CAPN13: variants seen among roughly 807,000 people sequenced by gnomAD.
CAPN13 encodes calpain 13.
A neutral mutation model predicts 98.4 loss-of-function variants in CAPN13; 90 were observed. That is an observed-to-expected ratio of 0.92 (90% CI 0.77 to 1.09). The LOEUF (loss-of-function observed/expected upper bound fraction) is 1.09, where lower values mean the gene tolerates loss of function less well. Among genes scored for constraint, CAPN13 ranks in the 50% least tolerant of loss-of-function variants. The pLI, the probability that CAPN13 is intolerant of heterozygous loss-of-function variation, is 0.00. For synonymous variants in CAPN13, 330 were observed against 305.5 expected, an observed-to-expected ratio of 1.08 and a Z score of -0.84; for missense variants, 887 against 841.3, an observed-to-expected ratio of 1.05 and a Z score of -0.67.
chr2:30,780,225 A>C (rs975262429), intron 2 of CAPN13, among the ~76,000 whole-genome samples: 1 of 152,244 alleles, frequency 6.6e-6, no homozygotes, highest in African/African-American at 2.4e-5. Context: ...GAGAATAGAC[A>C]ATTCCAGTGT....
intron 1 of CAPN13, among the ~76,000 whole-genome samples, chr2:30,798,886 A>T (rs1338982780): frequency 6.6e-6 from 1 of 152,170 alleles, no homozygotes; most frequent in Non-Finnish European, 1.5e-5. Context: ...GCTGACAAGG[A>T]ACAAGGAAGG....
At chr2:30,743,871 G>A (rs939368) in intron 12 of CAPN13, 428,040 of 500,196 alleles carry the variant, frequency 0.86, 183,861 homozygotes, top group African/African-American at 0.92. Flanking sequence ...CTTATATAGA[G>A]AGAAAACTTC....
At chr2:30,747,993 A>G (rs1330373300) in intron 11 of CAPN13, among the ~76,000 whole-genome samples, 2 of 152,222 alleles carry the variant, frequency 1.3e-5, no homozygotes, top group Non-Finnish European at 2.9e-5. Context: ...GGTGGTTACA[A>G]TCTTGGTAGG....
intron 5 of CAPN13, 67 bp downstream of exon 5, chr2:30,770,246 T>C: frequency 1.3e-6 from 2 of 1,578,958 alleles, no homozygotes. Flanking sequence ...ACAGGGACTG[T>C]TTGCATTCCG....
rs1558309422 is a variant in CAPN13 at position 30,753,308 on chromosome 2, A to C, written c.942-110T>G. On this transcript the variant is annotated intron_variant, in intron 9 of 22. Coordinates refer to ENST00000295055, the MANE Select transcript of CAPN13 (RefSeq NM_144575.3). The stretch of plus-strand genomic sequence containing the variant: ...TGTCCTGCCCAGAGGCCAGTGTCTG[A>C]TCCTGGCTCATTCACCATCAAGCAC... 1.2e-5 allele frequency: 13 copies of C among 1,095,232 alleles called. No individual in the cohort carries two copies. In the East Asian group the frequency reaches 1.9e-4, roughly 16 times the overall value. 67.8% of individuals were successfully genotyped at this position (1,095,232 alleles called of 1,614,324 possible).
chr2:30,744,966 C>T (rs541022638), intron 12 of CAPN13, among the ~76,000 whole-genome samples: 1 of 152,326 alleles, frequency 6.6e-6, no homozygotes, highest in South Asian at 2.1e-4. Context: ...TGTCAGGGAC[C>T]AGAGTCAGAT....
rs1238092122 is a variant in CAPN13, at chr2:30,742,359, C to T, written c.1446G>A (p.Arg482=). 1 of 1,604,102 alleles carries T rather than the reference C, an allele frequency of 6.2e-7. No individual in the cohort carries two copies. Among genetic ancestry groups the T allele is most frequent in the South Asian group, 1.1e-5 (1 of 88,758 alleles). ...TGAGGTTGAAATGGCTGCTCAGGTGCCTAGAAAATCAGAGGACAGTGTGAC... is the reference window on the plus strand; with the variant it reads ...TGAGGTTGAAATGGCTGCTCAGGTGTCTAGAAAATCAGAGGACAGTGTGAC... The part of the protein sequence containing the change: ...RIFLKMPDSD[R]HLSSHFNLRM... The change falls in exon 14 of 23, where the codon AGG becomes AGA. Residue 482 remains arginine (R), a splice_region_variant and synonymous_variant. Transcript: ENST00000295055.
Position 30,742,040 on chromosome 2 carries a change from C to T in CAPN13, c.1480-76G>A, listed in dbSNP as rs17010121. 1.6e-3 allele frequency: 2,092 copies of T among 1,296,216 alleles called. 38 individuals carry two copies. In the African/African-American group the frequency reaches 0.027, roughly 17 times the overall value. The allele number at this position is 1,296,216 out of a possible 1,614,324, so 80.3% of individuals were successfully genotyped here. A position where few individuals can be genotyped will look rare whatever the true frequency, so the allele number is the denominator to read the frequency against. On this transcript the variant is annotated intron_variant, in intron 14 of 22. Transcript: ENST00000295055. ...CCCATCTGGTACAGCAAGGGTGCAA[C>T]AACCCCTGCCAAGATCTGAGAAAGA...
At chr2:30,806,416 ACAAC>A (rs1274708073) in intron 1 of CAPN13, 2 of 152,132 alleles carry the variant, frequency 1.3e-5, no homozygotes, top group African/African-American at 4.8e-5. Flanking sequence ...AACAACAACA[ACAAC>A]AACAACAAAA....
intron 10 of CAPN13, among the ~76,000 whole-genome samples, chr2:30,752,579 A>G (rs1047369284): frequency 6.6e-6 from 1 of 152,178 alleles, no homozygotes. Context: ...CTCTAGGCTC[A>G]AGGACAGACA....
chr2:30,722,993 C>T lies in CAPN13; in HGVS notation c.*274G>A, dbSNP rs1033618337. On this transcript the variant is annotated 3_prime_UTR_variant, in exon 23 of 23. Coordinates refer to ENST00000295055, the MANE Select transcript of CAPN13 (RefSeq NM_144575.3). Reference sequence around the variant, plus strand: ...TCTCTTCTCCTTTCCCACAGGGAGACATCTCCTGCTTCCTTTTCCAGGGCA... The same window carrying T: ...TCTCTTCTCCTTTCCCACAGGGAGATATCTCCTGCTTCCTTTTCCAGGGCA... The T allele has an allele frequency of 1.3e-5, 2 of 152,356 alleles. No individual in the cohort carries two copies. Among genetic ancestry groups the T allele is most frequent in the South Asian group, 4.1e-4 (2 of 4,830 alleles). The allele number at this position is 152,356 out of a possible 1,614,324, so 9.4% of individuals were successfully genotyped here.
chr2:30,780,668 T>C lies in CAPN13; in HGVS notation c.199-3029A>G, dbSNP rs921162918. 2.0e-4 allele frequency among the ~76,000 whole-genome samples: 30 copies of C among 152,328 alleles called. 1 individual carries two copies. The highest frequency in any genetic ancestry group is 1.6e-3 in the Admixed American group (25 of 15,304). Reference sequence around the variant, plus strand: ...TCAACTTCAAGTTTATGGGAAAACATAGGAGTCATTTTCATCAAAGGTGGG... The same window carrying C: ...TCAACTTCAAGTTTATGGGAAAACACAGGAGTCATTTTCATCAAAGGTGGG... On this transcript the variant is annotated intron_variant, in intron 2 of 22. Transcript: ENST00000295055.
At position 30,767,535 on chromosome 2, in the gene CAPN13, C is replaced by A. The variant is rs529986705; in HGVS notation, c.524+2778G>T. ...GTTTTTACATAAGGATAAAACGAGGCCCTGAAGAGATGAGGGCTGAATCCG... is the reference window on the plus strand; with the variant it reads ...GTTTTTACATAAGGATAAAACGAGGACCTGAAGAGATGAGGGCTGAATCCG... On this transcript the variant is annotated intron_variant, in intron 5 of 22. Transcript: ENST00000295055. Among the ~76,000 whole-genome samples, 3 of 152,266 alleles carry A rather than the reference C, an allele frequency of 2.0e-5. No homozygotes were observed. In the South Asian group the frequency reaches 6.2e-4, roughly 32 times the overall value.
intron 5 of CAPN13, 102 bp downstream of exon 5, chr2:30,770,211 A>G: frequency 6.8e-7 from 1 of 1,477,212 alleles, no homozygotes; most frequent in Non-Finnish European, 9.2e-7. Context: ...ATGCCCAGCC[A>G]GGTGGCAAAG....
chr2:30,754,716 C>T (rs1672356090), intron 8 of CAPN13, among the ~76,000 whole-genome samples: 1 of 152,106 alleles, frequency 6.6e-6, no homozygotes, highest in South Asian at 2.1e-4. Context: ...CTCACACCCC[C>T]ACATCCAAAC....
intron 1 of CAPN13, among the ~76,000 whole-genome samples, chr2:30,798,743 T>A (rs185571294): frequency 4.3e-4 from 66 of 152,280 alleles, no homozygotes; most frequent in African/African-American, 1.5e-3. Flanking sequence ...CAAATACTCA[T>A]TTGAAATGGT....
chr2:30,748,253 T>G (rs756746512), intron 11 of CAPN13, among the ~76,000 whole-genome samples: 1 of 152,226 alleles, frequency 6.6e-6, no homozygotes, highest in Non-Finnish European at 1.5e-5. Context: ...TCTCTCCTTC[T>G]GCCTTTAGCC....
chr2:30,787,456 A>G (rs758350695), intron 1 of CAPN13, 99 bp from the exon 2 acceptor site: 75 of 855,682 alleles, frequency 8.8e-5, no homozygotes, highest in Non-Finnish European at 1.3e-4. Flanking sequence ...ACCACCCTTT[A>G]CAGGGACTGA....
intron 10 of CAPN13, 54 bp downstream of exon 10, chr2:30,752,999 G>T: frequency 6.2e-7 from 1 of 1,601,058 alleles, no homozygotes; most frequent in Non-Finnish European, 8.5e-7. Context: ...GCAAGGGCTG[G>T]GCTGGGGCAG....
Sources: gnomAD v4.1 joint callset for allele counts (sites outside exome capture counted in the v4.1 genomes callset) on GRCh38, gnomAD v4.1.1 for gene constraint, MANE v1.5 for transcripts, NCBI Gene and HGNC (gene_info 2026-07-23, HGNC 2026-07-21) for gene names.